The following IFT172 variants were observed in gnomAD, a reference collection of about 807,000 sequenced individuals.
IFT172 encodes the protein intraflagellar transport 172, also known as intraflagellar transport protein 172 homolog.
Under a neutral mutation model 248.9 loss-of-function variants are expected in IFT172, and 164 were observed. The observed-to-expected ratio is 0.66, with a 90% CI of 0.58 to 0.75. The LOEUF (loss-of-function observed/expected upper bound fraction) is 0.75, where lower values mean the gene tolerates loss of function less well. Ranked by LOEUF, IFT172 falls within the 30% of genes least tolerant of loss-of-function variation. IFT172 has a pLI of 0.00. For synonymous variants in IFT172, 729 were observed against 791.6 expected (o/e 0.92, Z 1.33); for missense variants, 1,950 against 2,192.4 (o/e 0.89, Z 2.21).
chr2:27,450,512 C>A (rs1432765653), intron 35 of IFT172, among the ~76,000 whole-genome samples: 2 of 152,166 alleles, frequency 1.3e-5, no homozygotes, highest in Non-Finnish European at 2.9e-5. Context: ...TTCACACACA[C>A]TGGATTTTGA....
chr2:27,459,764 G>C lies in IFT172; in HGVS notation c.2587C>G (p.His863Asp), dbSNP rs565473328. 1 of 1,613,016 alleles carries C rather than the reference G, an allele frequency of 6.2e-7. No homozygotes were observed. Among genetic ancestry groups the C allele is most frequent in the South Asian group, 1.1e-5 (1 of 91,080 alleles). ...TCAAGCTGCTTCTGCTGCACCAGGT[G>C]GTCCCCCCATGCCTCCTCTAGTTTC... ...VVKLEEAWGD[H>D]LVQQKQLDAA... is the part of the protein sequence containing the mutation. Residue 863 changes from histidine (H) to aspartate (D), a missense_variant, in exon 24 of 48, where the codon CAC becomes GAC. Around this residue, in one of 3 missense-constraint regions of IFT172, gnomAD observed 1,166 missense variants for 1,254.1 expected, o/e 0.93. Coordinates refer to ENST00000260570, the MANE Select transcript of IFT172 (RefSeq NM_015662.3).
Position 27,449,380 on chromosome 2 carries a change from G to C in IFT172, c.4225C>G (p.Leu1409Val). Residue 1409 changes from leucine to valine, a missense_variant and splice_region_variant, in exon 39 of 48, where the codon CTG becomes GTG. Physicochemically the swap from Leu to Val is conservative, Grantham distance 32. Around this residue, in one of 3 missense-constraint regions of IFT172, gnomAD observed 620 missense variants for 699.0 expected, o/e 0.89. Coordinates refer to ENST00000260570, the MANE Select transcript of IFT172 (RefSeq NM_015662.3). ...FLKNQGKVDS[L>V]VGVDVIAALD... ...GCAGCTATCACATCCACACCCACCA[G>C]CTGGGTCAATGGAAGACAGAGTTAC... 6.2e-7 allele frequency: 1 copy of C among 1,614,170 alleles called. No individual in the cohort carries two copies. The highest frequency in any genetic ancestry group is 8.5e-7 in the Non-Finnish European group (1 of 1,180,028).
rs926981355 is a variant in IFT172, at chr2:27,449,399, G to C, written c.4225-19C>G. The C allele has an allele frequency of 6.2e-7, 1 of 1,614,134 alleles. No individual in the cohort carries two copies. On this transcript the variant is annotated intron_variant, in intron 38 of 47. Coordinates refer to ENST00000260570, the MANE Select transcript of IFT172 (RefSeq NM_015662.3). ...CCACCAGCTGGGTCAATGGAAGACA[G>C]AGTTACAAGAGAAAAGAGATGACAT...
chr2:27,484,137 T>C (rs368944524), intron 4 of IFT172, 90 bp downstream of exon 4: 1 of 1,561,118 alleles, frequency 6.4e-7, no homozygotes, highest in African/African-American at 1.4e-5. Flanking sequence ...ATTCAGATGT[T>C]AGAAATGCAA....
At chr2:27,484,496 CAGG>C (rs1488848590) in intron 3 of IFT172, among the ~76,000 whole-genome samples, 1 of 152,116 alleles carries the variant, frequency 6.6e-6, no homozygotes, top group Non-Finnish European at 1.5e-5. Context: ...GAGGCTGAGG[CAGG>C]AGAATTGCGT....
chr2:27,456,104 C>T (rs886361240), intron 30 of IFT172, among the ~76,000 whole-genome samples: 6 of 151,782 alleles, frequency 4.0e-5, no homozygotes, highest in African/African-American at 7.3e-5. Flanking sequence ...CCCAGCTACT[C>T]GGGAGGCTGA....
intron 15 of IFT172, 77 bp from the exon 16 acceptor site, chr2:27,471,172 G>C: frequency 7.2e-7 from 1 of 1,384,760 alleles, no homozygotes; most frequent in South Asian, 1.2e-5. Flanking sequence ...TTTTCCTAAT[G>C]GTGAGATGTG....
At chr2:27,481,545 CTT>C (rs796124268) in intron 7 of IFT172, among the ~76,000 whole-genome samples, 14 of 141,788 alleles carry the variant, frequency 9.9e-5, no homozygotes, top group Admixed American at 7.1e-5. Context: ...TTTCTTTTTT[CTT>C]TTTTTTTTTT....
chr2:27,450,332 G>A (rs1422133892), intron 35 of IFT172, among the ~76,000 whole-genome samples: 3 of 152,066 alleles, frequency 2.0e-5, no homozygotes, highest in Non-Finnish European at 4.4e-5. Flanking sequence ...TACTTCCTGC[G>A]CTGCCTGAGG....
At chr2:27,463,262 G>T in intron 18 of IFT172, 81 bp from the exon 19 acceptor site, 1 of 1,320,246 alleles carries the variant, frequency 7.6e-7, no homozygotes, top group Non-Finnish European at 1.1e-6. Context: ...AATACAAATT[G>T]ATGTACATCT....
At chr2:27,444,594 T>C in intron 47 of IFT172, 73 bp from the exon 48 acceptor site, 1 of 1,165,570 alleles carries the variant, frequency 8.6e-7, no homozygotes. Context: ...ATCGCAGGCT[T>C]CAGGGTCTGC....
At chr2:27,488,649 G>C (rs1351008249) in intron 1 of IFT172, among the ~76,000 whole-genome samples, 1 of 152,120 alleles carries the variant, frequency 6.6e-6, no homozygotes, top group Admixed American at 6.5e-5. Context: ...CTGCTTTTCA[G>C]TTTACAATGC....
At chr2:27,458,984 A>T in intron 25 of IFT172, 116 bp from the exon 26 acceptor site, 3 of 1,011,558 alleles carry the variant, frequency 3.0e-6, no homozygotes, top group Non-Finnish European at 2.9e-6. Flanking sequence ...CAACCTTGTA[A>T]TAATAGAGAA....
chr2:27,447,389 G>A (rs1449597808), intron 42 of IFT172, 126 bp downstream of exon 42: 4 of 1,371,938 alleles, frequency 2.9e-6, no homozygotes, highest in Non-Finnish European at 4.0e-6. Context: ...CAGAAGAGAA[G>A]CTGAAAGACA....
rs1303518204 is a variant in IFT172 at position 27,446,215 on chromosome 2, T to C, written c.4755+45A>G. The C allele has an allele frequency of 5.0e-6, 8 of 1,585,814 alleles. No homozygotes were observed. In the African/African-American group the frequency reaches 1.1e-4, roughly 21 times the overall value. ...AGAAGGGATATTCTATTTTCCAACC[T>C]TTAACTTCCTCCTATCTGCCCCACC... On this transcript the variant is annotated intron_variant, in intron 43 of 47. Transcript: ENST00000260570.
At chr2:27,465,330 T>C (rs978938759) in intron 18 of IFT172, 81 bp downstream of exon 18, 40 of 1,165,276 alleles carry the variant, frequency 3.4e-5, no homozygotes, top group Middle Eastern at 2.0e-4. Context: ...TAACACCGGA[T>C]TGGAGTAGCC....
At position 27,456,654 on chromosome 2, in the gene IFT172, C is replaced by G. The variant is rs1221297920; in HGVS notation, c.3229-1G>C. On this transcript the variant is annotated splice_acceptor_variant, in intron 29 of 47. Transcript: ENST00000260570. LOFTEE classifies it high-confidence loss of function. The stretch of plus-strand genomic sequence containing the variant: ...TAGCCCCTCCTTGAGTTCTGGCCAC[C>G]TGTAAAGCAAAGTCACTCAATAATC... 1 of 1,612,594 alleles carries G rather than the reference C, an allele frequency of 6.2e-7. No individual in the cohort carries two copies. The highest frequency in any genetic ancestry group is 2.2e-5 in the East Asian group (1 of 44,882).
chr2:27,472,476 T>C, intron 14 of IFT172, 114 bp from the exon 15 acceptor site: 2 of 766,720 alleles, frequency 2.6e-6, no homozygotes, highest in South Asian at 1.8e-5. Context: ...TTTAGAATTG[T>C]AGAGGTTTTG....
At chr2:27,448,009 G>A in intron 40 of IFT172, 87 bp from the exon 41 acceptor site, 1 of 811,210 alleles carries the variant, frequency 1.2e-6, no homozygotes, top group Non-Finnish European at 2.2e-6. Flanking sequence ...AGGAGAAACA[G>A]GCTTTGTGTG....
Sources: allele counts gnomAD v4.1 joint callset (sites outside exome capture counted in the v4.1 genomes callset), GRCh38; gene constraint gnomAD v4.1.1; regional missense constraint gnomAD v4.1.1; transcripts MANE v1.5; gene names NCBI Gene and HGNC (gene_info 2026-07-23, HGNC 2026-07-21).